Variants in COL6A1 observed in about 807,000 individuals in gnomAD.
COL6A1 encodes collagen type VI alpha 1 chain, also known as collagen alpha-1(VI) chain.
COL6A1 carries 80 observed loss-of-function variants against 145.6 expected under a neutral mutation model. The ratio of observed to expected loss-of-function variants is 0.55; its 90% confidence interval spans 0.46 to 0.66. The LOEUF is 0.66. COL6A1 is among the 30% of genes least tolerant of loss of function. COL6A1 has a pLI of 0.00. For missense variants in COL6A1, 1,364 were observed against 1,473.8 expected, an observed-to-expected ratio of 0.93 and a Z score of 1.22; for synonymous variants, 638 against 622.8, an observed-to-expected ratio of 1.02 and a Z score of -0.36.
At chr21:46,000,622 G>T (rs1292459847) in intron 28 of COL6A1, 137 bp from the exon 29 acceptor site, 6 of 1,401,576 alleles carry the variant, frequency 4.3e-6, no homozygotes, top group Non-Finnish European at 6.0e-6. Context: ...AGGCGGGGCA[G>T]GAGGCCGGGG....
intron 20 of COL6A1, among the ~76,000 whole-genome samples, 165 bp from the exon 21 acceptor site, chr21:45,997,245 TGCAGGCCCTTC>T: frequency 1.5e-5 from 1 of 65,700 alleles, no homozygotes; most frequent in South Asian, 5.7e-4. Flanking sequence ...AGGCCCTTCG[TGCAGGCCCTTC>T]GTCAGACCCA....
At chr21:45,992,664 G>T (rs898532257) in intron 18 of COL6A1, 84 bp from the exon 19 acceptor site, 28 of 1,392,774 alleles carry the variant, frequency 2.0e-5, no homozygotes, top group Non-Finnish European at 2.8e-5. Flanking sequence ...GGGGGAGTCA[G>T]TCCAGGCCAG....
rs546841970 is a variant in COL6A1 at position 45,999,319 on chromosome 21, C to T, written c.1740+101C>T. The T allele has an allele frequency of 1.7e-4, 211 of 1,223,630 alleles. 3 individuals carry two copies. The South Asian group carries it at 2.3e-3, about 13-fold the overall frequency. 75.8% of individuals were successfully genotyped at this position (1,223,630 alleles called of 1,614,324 possible). A position where few individuals can be genotyped will look rare whatever the true frequency, so the allele number is the denominator to read the frequency against. ...AAGAGGCTGGGAGAGTGGGAGGCGG[C>T]GGGAGGGAATTTTGGGGAGCACGTC... On this transcript the variant is annotated intron_variant, in intron 26 of 34. Transcript: ENST00000361866.
chr21:45,999,481 C>G (rs898652834), intron 26 of COL6A1, 176 bp from the exon 27 acceptor site: 3 of 801,678 alleles, frequency 3.7e-6, no homozygotes, highest in Non-Finnish European at 6.2e-6. Context: ...CACCAGTGTG[C>G]GAAGCCCCAG....
intron 15 of COL6A1, among the ~76,000 whole-genome samples, chr21:45,991,490 A>G (rs1015228178): frequency 6.6e-6 from 1 of 151,574 alleles, no homozygotes; most frequent in Non-Finnish European, 1.5e-5. Flanking sequence ...GGGCAGCGGG[A>G]GGGCGGGAGC....
rs1041530722 is a variant in COL6A1 at position 45,997,235 on chromosome 21, A to G, written c.1399-186A>G. Among the ~76,000 whole-genome samples, 11 of 65,686 alleles carry G rather than the reference A, an allele frequency of 1.7e-4. No homozygotes were observed. The South Asian group carries it at 2.8e-3, about 17-fold the overall frequency. The allele number at this position is 65,686 out of a possible 152,430, so 43.1% of individuals were successfully genotyped here. ...CCGAAGGGCTTCAACACTTGTGCCC[A>G]GGCCCTTCGTGCAGGCCCTTCGTCA... On this transcript the variant is annotated intron_variant, in intron 20 of 34. Coordinates refer to ENST00000361866, the MANE Select transcript of COL6A1 (RefSeq NM_001848.3).
At position 46,004,290 on chromosome 21, in the gene COL6A1, G is replaced by C; in HGVS notation, c.*277G>C. ...GCCCTCTGAGGCTCAGCCCTGAGCT[G>C]GCGTCACCTGTGCAGGGCCCTCTGG... On this transcript the variant is annotated 3_prime_UTR_variant, in exon 35 of 35. Coordinates refer to ENST00000361866, the MANE Select transcript of COL6A1 (RefSeq NM_001848.3). The C allele has an allele frequency of 1.9e-6, 1 of 533,498 alleles. No individual in the cohort carries two copies. The highest frequency in any genetic ancestry group is 3.4e-6 in the Non-Finnish European group (1 of 297,558). 33.0% of individuals were successfully genotyped at this position (533,498 alleles called of 1,614,324 possible).
In COL6A1 at chr21:45,999,227, A is replaced by T; in HGVS notation, c.1740+9A>T. On this transcript the variant is annotated intron_variant, in intron 26 of 34. Transcript: ENST00000361866. ...GTCCCGAGGGCCCCCAGGTGGGTGG[A>T]TGTGGCTGGGTGAGGCCACGGTGGG... The T allele has an allele frequency of 6.3e-7, 1 of 1,590,408 alleles. No individual in the cohort carries two copies. The highest frequency in any genetic ancestry group is 8.6e-7 in the Non-Finnish European group (1 of 1,169,334).
At position 45,985,619 on chromosome 21, in the gene COL6A1, G is replaced by A. The variant is rs112883647; in HGVS notation, c.429-907G>A. Among the ~76,000 whole-genome samples the A allele has an allele frequency of 3.0e-3, 456 of 152,334 alleles. 3 individuals are homozygous for A. Among genetic ancestry groups the A allele is most frequent in the African/African-American group, 0.01 (427 of 41,578 alleles). On this transcript the variant is annotated intron_variant, in intron 3 of 34. Transcript: ENST00000361866. ...TGGGGACGCAGGGGCCGCAAGCCCCGGAGTGTCCAGAGGGGAACGTGGCCT... is the reference window on the plus strand; with the variant it reads ...TGGGGACGCAGGGGCCGCAAGCCCCAGAGTGTCCAGAGGGGAACGTGGCCT...
chr21:46,001,516 A>C, intron 30 of COL6A1, 130 bp downstream of exon 30: 2 of 1,289,968 alleles, frequency 1.6e-6, no homozygotes, highest in Non-Finnish European at 2.2e-6. Flanking sequence ...ACTCATGACA[A>C]GGATGCCAGG....
intron 21 of COL6A1, 92 bp from the exon 22 acceptor site, chr21:45,997,608 G>T: frequency 6.5e-7 from 1 of 1,538,534 alleles, no homozygotes; most frequent in African/African-American, 1.4e-5. Flanking sequence ...CCTGGCTCCC[G>T]ATGGGACCTC....
chr21:46,004,038 C>T lies in COL6A1; in HGVS notation c.*25C>T, dbSNP rs773841658. ...GCCCACCCTGCACGCCGGCACCAAA[C>T]CCTGTCCTCCCACCCCTCCCCACTC... On this transcript the variant is annotated 3_prime_UTR_variant, in exon 35 of 35. Transcript: ENST00000361866. The T allele has an allele frequency of 2.5e-6, 4 of 1,612,708 alleles. No individual in the cohort carries two copies. In the South Asian group the frequency reaches 3.3e-5, roughly 13 times the overall value.
Position 45,998,976 on chromosome 21 carries a change from G to T in COL6A1, c.1674+17G>T. On this transcript the variant is annotated intron_variant, in intron 25 of 34. Coordinates refer to ENST00000361866, the MANE Select transcript of COL6A1 (RefSeq NM_001848.3). Reference sequence around the variant, plus strand: ...GGAGACGATGTAAGTGTGGATGGGAGGCAGGGCCAGCCCCAAGTCCACCTG... The same window carrying T: ...GGAGACGATGTAAGTGTGGATGGGATGCAGGGCCAGCCCCAAGTCCACCTG... The T allele has an allele frequency of 6.4e-7, 1 of 1,551,714 alleles. No homozygotes were observed. The highest frequency in any genetic ancestry group is 8.7e-7 in the Non-Finnish European group (1 of 1,147,186).
At chr21:45,998,852 A>G (rs1294595341) in intron 24 of COL6A1, 45 bp from the exon 25 acceptor site, 4 of 1,547,020 alleles carry the variant, frequency 2.6e-6, no homozygotes, top group Middle Eastern at 1.7e-4. Flanking sequence ...CTTCCTAAAA[A>G]CAAAATAAAA....
chr21:46,004,117 T>C lies in COL6A1; in HGVS notation c.*104T>C, dbSNP rs2077867004. The C allele has an allele frequency of 6.7e-7, 1 of 1,483,540 alleles. No homozygotes were observed. The highest frequency in any genetic ancestry group is 9.3e-7 in the Non-Finnish European group (1 of 1,080,922). 91.9% of individuals were successfully genotyped at this position (1,483,540 alleles called of 1,614,324 possible). ...AATTTTCCCGACCAACCTGATTCGC[T>C]AGATTTTTTTTAAGGAAAAGCTTGG... On this transcript the variant is annotated 3_prime_UTR_variant, in exon 35 of 35. Coordinates refer to ENST00000361866, the MANE Select transcript of COL6A1 (RefSeq NM_001848.3).
intron 30 of COL6A1, 116 bp from the exon 31 acceptor site, chr21:46,001,845 G>C: frequency 1.2e-6 from 1 of 844,374 alleles, no homozygotes; most frequent in Non-Finnish European, 1.9e-6. Context: ...CCCAGGTCCT[G>C]AGGTCCTGGG....
At chr21:45,990,657 A>G (rs1418587477) in intron 13 of COL6A1, 116 bp from the exon 14 acceptor site, 1 of 963,234 alleles carries the variant, frequency 1.0e-6, no homozygotes, top group East Asian at 2.4e-5. Context: ...GGTGTCTGCT[A>G]GGCAGGGCTT....
At chr21:45,984,543 G>A (rs2077726791) in intron 3 of COL6A1, 74 bp downstream of exon 3, 13 of 1,468,432 alleles carry the variant, frequency 8.9e-6, no homozygotes, top group Admixed American at 1.7e-5. Context: ...GTTGGCCTGG[G>A]GTCCCTGTGC....
intron 3 of COL6A1, among the ~76,000 whole-genome samples, chr21:45,985,781 G>A (rs2077736009): frequency 6.6e-6 from 1 of 152,226 alleles, no homozygotes; most frequent in Non-Finnish European, 1.5e-5. Context: ...TGGCCGGTGT[G>A]GGCCGGACAT....
Sources: gnomAD v4.1 joint callset for allele counts (sites outside exome capture counted in the v4.1 genomes callset) on GRCh38, gnomAD v4.1.1 for gene constraint, MANE v1.5 for transcripts, NCBI Gene and HGNC (gene_info 2026-07-23, HGNC 2026-07-21) for gene names.